PHF8: variants seen among roughly 807,000 people sequenced by gnomAD.
PHF8 encodes histone lysine demethylase PHF8.
In PHF8, 9 loss-of-function variants were observed where a neutral mutation model predicts 74.4. The observed-to-expected ratio is 0.12, with a 90% CI of 0.07 to 0.21. The LOEUF (loss-of-function observed/expected upper bound fraction) is 0.21. Ranked by LOEUF, PHF8 falls within the 10% of genes least tolerant of loss-of-function variation. The pLI, the probability that PHF8 is intolerant of heterozygous loss-of-function variation, is 1.00. For missense variants in PHF8, 478 were observed against 816.6 expected, an observed-to-expected ratio of 0.59 and a Z score of 5.05; for synonymous variants, 311 against 316.6, an observed-to-expected ratio of 0.98 and a Z score of 0.19.
intron 19 of PHF8, among the ~76,000 whole-genome samples, chrX:53,944,819 G>A (rs1321577199): frequency 9.0e-6 from 1 of 111,663 alleles, no homozygotes; most frequent in South Asian, 3.7e-4. Context: ...CCAGGAGTTC[G>A]AGACCAGCCT....
chrX:54,028,895 T>C (rs782009814), intron 2 of PHF8, among the ~76,000 whole-genome samples: 3 of 112,242 alleles, frequency 2.7e-5, no homozygotes, highest in African/African-American at 9.7e-5. Context: ...TGCCACTTAC[T>C]AGCTGTGGGA....
At chrX:53,964,868 C>CAA (rs782274910) in intron 18 of PHF8, among the ~76,000 whole-genome samples, 28 of 37,746 alleles carry the variant, frequency 7.4e-4, no homozygotes, top group East Asian at 9.5e-4. Context: ...AACTCTGCCT[C>CAA]AAAAAAAAAA....
intron 18 of PHF8, among the ~76,000 whole-genome samples, chrX:53,977,921 C>T (rs182581936): frequency 7.6e-4 from 80 of 105,541 alleles, no homozygotes; most frequent in Admixed American, 6.6e-3. Flanking sequence ...GCTGGGATTA[C>T]AGGCGTCAGC....
intron 18 of PHF8, among the ~76,000 whole-genome samples, chrX:53,980,572 T>C (rs1192157291): frequency 1.8e-5 from 2 of 111,922 alleles, no homozygotes; most frequent in South Asian, 3.7e-4. Flanking sequence ...TTTGTTATGA[T>C]AGCCCTATCA....
At chrX:53,944,668 C>A (rs1352291208) in intron 19 of PHF8, 2 of 147,175 alleles carry the variant, frequency 1.4e-5, no homozygotes, top group Non-Finnish European at 2.7e-5. Context: ...CAGTGAGCTA[C>A]GATTGTACCA....
chrX:53,945,114 G>C (rs2064813220), intron 19 of PHF8, among the ~76,000 whole-genome samples: 1 of 110,437 alleles, frequency 9.1e-6, no homozygotes, highest in Non-Finnish European at 1.9e-5. Flanking sequence ...GGGAGGCCGA[G>C]GCGGGTGGAT....
At chrX:53,977,881 C>T (rs782016368) in intron 18 of PHF8, among the ~76,000 whole-genome samples, 7 of 107,432 alleles carry the variant, frequency 6.5e-5, no homozygotes, top group South Asian at 8.3e-4. Flanking sequence ...CTCCTGACCT[C>T]GTGATCCACC....
chrX:54,018,013 G>A (rs1259181279), intron 4 of PHF8, among the ~76,000 whole-genome samples, 192 bp from the exon 5 acceptor site: 1 of 111,695 alleles, frequency 9.0e-6, no homozygotes, highest in Non-Finnish European at 1.9e-5. Flanking sequence ...ACTGGCAGAG[G>A]TGGGGAGTAT....
intron 16 of PHF8, among the ~76,000 whole-genome samples, chrX:53,986,262 A>C (rs782531872): frequency 8.9e-6 from 1 of 112,748 alleles, no homozygotes; most frequent in South Asian, 3.6e-4. Flanking sequence ...TTTTGTTTTC[A>C]GACAGAGCCT....
At chrX:53,979,053 AAG>A (rs782659438) in intron 18 of PHF8, among the ~76,000 whole-genome samples, 63 of 111,114 alleles carry the variant, frequency 5.7e-4, no homozygotes, top group Admixed American at 9.6e-4. Flanking sequence ...TGTGTATACC[AAG>A]AGAGTCAATT....
chrX:54,037,257 G>A (rs1182153046), intron 2 of PHF8, among the ~76,000 whole-genome samples: 2 of 111,120 alleles, frequency 1.8e-5, no homozygotes, highest in Non-Finnish European at 3.8e-5. Flanking sequence ...GTTTGTTTTC[G>A]GTTTTTTTGA....
intron 19 of PHF8, among the ~76,000 whole-genome samples, chrX:53,951,967 T>G (rs1471036671): frequency 9.0e-6 from 1 of 111,147 alleles, no homozygotes; most frequent in Non-Finnish European, 1.9e-5. Context: ...ACAAATAGTT[T>G]GACACTAGTA....
chrX:53,966,906 C>T (rs1381857524), intron 18 of PHF8, among the ~76,000 whole-genome samples: 2 of 108,923 alleles, frequency 1.8e-5, no homozygotes, highest in African/African-American at 3.4e-5. Flanking sequence ...ATGTGAGGAG[C>T]GCCTCTGCCC....
rs1557098991 is a variant in PHF8 at position 53,984,873 on chromosome X, G to T, written c.2443+41C>A. 5.7e-6 allele frequency: 6 copies of T among 1,053,684 alleles called. No homozygotes were observed. In the East Asian group the frequency reaches 1.8e-4, roughly 32 times the overall value. The allele number at this position is 1,053,684 out of a possible 1,213,427, so 86.8% of individuals were successfully genotyped here. On this transcript the variant is annotated intron_variant, in intron 18 of 21. Transcript: ENST00000338154. ...CTAGGATGGAGACTGGGACTGAGGAGACCCCTTCTGGCCTGAACCCATGTG... is the reference window on the plus strand; with the variant it reads ...CTAGGATGGAGACTGGGACTGAGGATACCCCTTCTGGCCTGAACCCATGTG...
rs782811150 is a variant in PHF8, at chrX:53,987,018, T to C, written c.1995+60A>G. The C allele has an allele frequency of 3.0e-5, 21 of 691,732 alleles. No individual in the cohort carries two copies. In the East Asian group the frequency reaches 6.7e-4, roughly 22 times the overall value. The allele number at this position is 691,732 out of a possible 1,213,427, so 57.0% of individuals were successfully genotyped here. A position where few individuals can be genotyped will look rare whatever the true frequency, so the allele number is the denominator to read the frequency against. ...GCATATCCCCCAACTAGAATGACAATCTGTCTTCTGTCTCTATCACCAGAA... is the reference window on the plus strand; with the variant it reads ...GCATATCCCCCAACTAGAATGACAACCTGTCTTCTGTCTCTATCACCAGAA... On this transcript the variant is annotated intron_variant, in intron 16 of 21. Coordinates refer to ENST00000338154, the MANE Select transcript of PHF8 (RefSeq NM_015107.3).
chrX:53,962,045 C>T (rs1159098415), intron 19 of PHF8, among the ~76,000 whole-genome samples: 3 of 111,805 alleles, frequency 2.7e-5, no homozygotes, highest in African/African-American at 6.5e-5. Flanking sequence ...TGCTAGAAAC[C>T]TTTCTGCCAC....
intron 19 of PHF8, among the ~76,000 whole-genome samples, chrX:53,961,968 C>T (rs1288956471): frequency 3.6e-5 from 4 of 112,284 alleles, no homozygotes; most frequent in African/African-American, 1.3e-4. Flanking sequence ...GTCAATGGGA[C>T]AACAGTAAAT....
intron 7 of PHF8, among the ~76,000 whole-genome samples, chrX:54,014,086 G>A (rs2066023559): frequency 9.1e-6 from 1 of 109,300 alleles, no homozygotes; most frequent in Non-Finnish European, 1.9e-5. Flanking sequence ...CTCCCAAGTA[G>A]CTGGGACTAC....
chrX:54,006,569 TAATA>T (rs2065899727), intron 8 of PHF8, among the ~76,000 whole-genome samples: 1 of 111,814 alleles, frequency 8.9e-6, no homozygotes, highest in African/African-American at 3.3e-5. Context: ...ATGTATAAAG[TAATA>T]ATTAGAGCAA....
Sources: allele counts gnomAD v4.1 joint callset (sites outside exome capture counted in the v4.1 genomes callset), GRCh38; gene constraint gnomAD v4.1.1; transcripts MANE v1.5; gene names NCBI Gene and HGNC (gene_info 2026-07-23, HGNC 2026-07-21).